Variants in CCSER1 observed in about 807,000 individuals in gnomAD.
CCSER1 encodes serine-rich coiled-coil domain-containing protein 1.
A neutral mutation model predicts 82.0 loss-of-function variants in CCSER1; 41 were observed. The observed-to-expected ratio is 0.50, with a 90% CI of 0.39 to 0.65. The LOEUF is 0.65. Among genes scored for constraint, CCSER1 ranks in the 30% least tolerant of loss-of-function variants. The pLI, the probability that CCSER1 is intolerant of heterozygous loss-of-function variation, is 0.00. For missense variants in CCSER1, 1,119 were observed against 1,064.2 expected, an observed-to-expected ratio of 1.05 and a Z score of -0.72; for synonymous variants, 414 against 383.9, an observed-to-expected ratio of 1.08 and a Z score of -0.92.
intron 10 of CCSER1, among the ~76,000 whole-genome samples, chr4:91,559,449 A>G (rs1475259782): frequency 6.6e-6 from 1 of 151,480 alleles, no homozygotes; most frequent in African/African-American, 2.4e-5. Context: ...AGATGAAGGA[A>G]TATTTTTCCC....
intron 10 of CCSER1, among the ~76,000 whole-genome samples, chr4:91,197,138 GAAAAAT>G (rs1176721108): frequency 2.0e-5 from 3 of 152,170 alleles, no homozygotes; most frequent in Non-Finnish European, 4.4e-5. Flanking sequence ...CAGCAATATT[GAAAAAT>G]CTGTATTATC....
intron 3 of CCSER1, among the ~76,000 whole-genome samples, chr4:90,314,198 T>C (rs937677639): frequency 2.6e-5 from 4 of 152,226 alleles, no homozygotes; most frequent in African/African-American, 9.6e-5. Context: ...TCCATTATAC[T>C]AAAGAATGAC....
At position 91,130,668 on chromosome 4, in the gene CCSER1, C is replaced by T. The variant is rs1217380077; in HGVS notation, c.2217+44674C>T. Among the ~76,000 whole-genome samples the T allele has an allele frequency of 2.6e-5, 4 of 151,710 alleles. No homozygotes were observed. The South Asian group carries it at 6.2e-4, about 24-fold the overall frequency. On this transcript the variant is annotated intron_variant, in intron 10 of 10. Transcript: ENST00000509176. ...TCAATTAACTCATATGTCTCAGCTC[C>T]TTTTAAGGGCTTGTGTGGTTTATGA...
intron 5 of CCSER1, among the ~76,000 whole-genome samples, chr4:90,604,660 T>C (rs188258594): frequency 5.7e-4 from 87 of 152,330 alleles, no homozygotes; most frequent in African/African-American, 2.0e-3. Flanking sequence ...GGAGAACTTT[T>C]ATGTCTAGCT....
intron 10 of CCSER1, among the ~76,000 whole-genome samples, chr4:91,224,958 T>C (rs528599617): frequency 2.5e-4 from 38 of 151,640 alleles, no homozygotes; most frequent in Admixed American, 2.0e-3. Context: ...TCTGCAAATT[T>C]ATCCATTGAA....
At chr4:90,838,841 G>T (rs906987159) in intron 8 of CCSER1, 3 of 1,601,562 alleles carry the variant, frequency 1.9e-6, no homozygotes, top group South Asian at 1.1e-5. Context: ...ACAGCTAAAA[G>T]AAGTAAAATA....
chr4:91,026,257 C>G (rs987076809), intron 9 of CCSER1, among the ~76,000 whole-genome samples: 1 of 152,050 alleles, frequency 6.6e-6, no homozygotes, highest in Admixed American at 6.6e-5. Context: ...TGTTCCTTTT[C>G]TCTCCTGTTT....
intron 10 of CCSER1, among the ~76,000 whole-genome samples, chr4:91,275,206 T>G (rs1742327891): frequency 6.6e-6 from 1 of 152,210 alleles, no homozygotes; most frequent in South Asian, 2.1e-4. Context: ...TCAAGAAATA[T>G]TCATACTGTT....
intron 10 of CCSER1, among the ~76,000 whole-genome samples, chr4:91,468,833 G>T (rs1016910150): frequency 2.0e-5 from 3 of 152,052 alleles, no homozygotes; most frequent in Non-Finnish European, 4.4e-5. Flanking sequence ...TTGTGCTGAG[G>T]TATAAATACA....
intron 10 of CCSER1, among the ~76,000 whole-genome samples, chr4:91,427,166 A>G (rs1383781915): frequency 1.3e-5 from 2 of 152,170 alleles, no homozygotes; most frequent in Non-Finnish European, 2.9e-5. Context: ...AATGAAGAAC[A>G]TCACCACCAC....
chr4:91,149,516 C>A (rs1729916710), intron 10 of CCSER1, among the ~76,000 whole-genome samples: 1 of 152,132 alleles, frequency 6.6e-6, no homozygotes, highest in Non-Finnish European at 1.5e-5. Context: ...GCTTTTGTTG[C>A]CATTGCTTTT....
intron 10 of CCSER1, among the ~76,000 whole-genome samples, chr4:91,235,835 A>G (rs1191827411): frequency 6.6e-6 from 1 of 152,210 alleles, no homozygotes; most frequent in African/African-American, 2.4e-5. Context: ...ATGATCAGAA[A>G]TATTAGAAAA....
At position 91,605,113 on chromosome 4, in the gene CCSER1, A is replaced by G. The variant is rs912515715; in HGVS notation, c.*6056A>G. 4 of 152,074 alleles carry G rather than the reference A, an allele frequency of 2.6e-5. No individual in the cohort carries two copies. The highest frequency in any genetic ancestry group is 7.2e-5 in the African/African-American group (3 of 41,452). 9.4% of individuals were successfully genotyped at this position (152,074 alleles called of 1,614,324 possible). A position where few individuals can be genotyped will look rare whatever the true frequency, so the allele number is the denominator to read the frequency against. On this transcript the variant is annotated 3_prime_UTR_variant, in exon 11 of 11. Coordinates refer to ENST00000509176, the MANE Select transcript of CCSER1 (RefSeq NM_001145065.2). ...AATTACCCTGGAAATTAAAATTTTTAGCAATATTGAATACAGTAGTATAAT... is the reference window on the plus strand; with the variant it reads ...AATTACCCTGGAAATTAAAATTTTTGGCAATATTGAATACAGTAGTATAAT...
chr4:90,259,529 T>C (rs1723934838), intron 1 of CCSER1, among the ~76,000 whole-genome samples: 2 of 152,156 alleles, frequency 1.3e-5, no homozygotes, highest in Admixed American at 6.6e-5. Flanking sequence ...ATGGTGAAAG[T>C]GGGCATCCTT....
At chr4:91,039,415 T>G (rs774662973) in intron 9 of CCSER1, among the ~76,000 whole-genome samples, 2 of 151,904 alleles carry the variant, frequency 1.3e-5, no homozygotes, top group African/African-American at 2.4e-5. Context: ...CAACATTGTG[T>G]TTTTTTTCTT....
chr4:91,121,871 T>C (rs777814368), intron 10 of CCSER1, among the ~76,000 whole-genome samples: 4 of 151,584 alleles, frequency 2.6e-5, no homozygotes, highest in Non-Finnish European at 5.9e-5. Context: ...ATAATTTCTA[T>C]AGAAATATAG....
intron 7 of CCSER1, among the ~76,000 whole-genome samples, chr4:90,799,760 C>T (rs1756543215): frequency 6.6e-6 from 1 of 152,210 alleles, no homozygotes; most frequent in African/African-American, 2.4e-5. Context: ...GTTACACATG[C>T]TCCCACATAA....
At chr4:90,697,069 A>T (rs577263312) in intron 6 of CCSER1, among the ~76,000 whole-genome samples, 1 of 152,290 alleles carries the variant, frequency 6.6e-6, no homozygotes, top group Admixed American at 6.5e-5. Context: ...GCAAAGAGCT[A>T]TGAGACTGTG....
chr4:90,461,064 T>C (rs1487870779), intron 4 of CCSER1, among the ~76,000 whole-genome samples: 2 of 110,698 alleles, frequency 1.8e-5, no homozygotes, highest in Non-Finnish European at 3.5e-5. Context: ...TTTTTTTTTT[T>C]TTTTTTTTTT....
Sources: gnomAD v4.1 joint callset for allele counts (sites outside exome capture counted in the v4.1 genomes callset) on GRCh38, gnomAD v4.1.1 for gene constraint, MANE v1.5 for transcripts, NCBI Gene and HGNC (gene_info 2026-07-23, HGNC 2026-07-21) for gene names.